Variants in TSHZ2 observed in about 807,000 individuals in gnomAD.
The protein encoded by TSHZ2 is teashirt zinc finger homeobox 2, also known as teashirt homolog 2.
TSHZ2 carries 21 observed loss-of-function variants against 74.4 expected under a neutral mutation model. That is an observed-to-expected ratio of 0.28 (90% CI 0.20 to 0.41). TSHZ2 has a LOEUF of 0.41. TSHZ2 is among the 10% of genes least tolerant of loss of function. The pLI is 1.00. For synonymous variants in TSHZ2, 540 were observed against 515.3 expected, an observed-to-expected ratio of 1.05 and a Z score of -0.65; for missense variants, 1,244 against 1,293.5, an observed-to-expected ratio of 0.96 and a Z score of 0.59.
intron 1 of TSHZ2, among the ~76,000 whole-genome samples, chr20:53,090,808 C>G (rs775301538): frequency 6.6e-6 from 1 of 152,224 alleles, no homozygotes; most frequent in Non-Finnish European, 1.5e-5. Context: ...TGTGTGCACA[C>G]TCCTAAGCTT....
At chr20:53,485,616 G>C (rs1015492145) in intron 2 of TSHZ2, among the ~76,000 whole-genome samples, 6 of 152,058 alleles carry the variant, frequency 3.9e-5, no homozygotes, top group African/African-American at 1.2e-4. Flanking sequence ...GGCTGAAGCA[G>C]GAGAATTACT....
chr20:53,084,774 C>A (rs1212880739), intron 1 of TSHZ2, among the ~76,000 whole-genome samples: 1 of 147,518 alleles, frequency 6.8e-6, no homozygotes, highest in Non-Finnish European at 1.5e-5. Flanking sequence ...TATTTTAAAA[C>A]CAGTAGTCAA....
chr20:53,139,582 C>T (rs949603651), intron 1 of TSHZ2, among the ~76,000 whole-genome samples: 8 of 152,188 alleles, frequency 5.3e-5, no homozygotes. Context: ...GTGTTACTGG[C>T]CAGCATTTTG....
chr20:53,098,426 T>G (rs1986121314), intron 1 of TSHZ2, among the ~76,000 whole-genome samples: 1 of 152,216 alleles, frequency 6.6e-6, no homozygotes, highest in African/African-American at 2.4e-5. Context: ...TTTTGTTCAT[T>G]CTTTATTCAT....
chr20:53,140,914 C>G (rs1489625141), intron 1 of TSHZ2, among the ~76,000 whole-genome samples: 1 of 152,210 alleles, frequency 6.6e-6, no homozygotes, highest in Non-Finnish European at 1.5e-5. Context: ...AAACCCGTAT[C>G]TTGCCTATCA....
chr20:53,403,369 C>T (rs1053989849), intron 2 of TSHZ2, among the ~76,000 whole-genome samples: 31 of 152,208 alleles, frequency 2.0e-4, no homozygotes, highest in African/African-American at 7.2e-4. Context: ...AAAAAATCAA[C>T]TCCTGATGTC....
intron 2 of TSHZ2, among the ~76,000 whole-genome samples, chr20:53,320,521 AG>A (rs1444825239): frequency 6.6e-6 from 1 of 152,200 alleles, no homozygotes; most frequent in East Asian, 1.9e-4. Flanking sequence ...GTCATTAAAA[AG>A]GGAGCACTAT....
intron 1 of TSHZ2, among the ~76,000 whole-genome samples, chr20:53,233,001 T>C (rs1272582507): frequency 6.6e-6 from 1 of 152,244 alleles, no homozygotes; most frequent in Non-Finnish European, 1.5e-5. Flanking sequence ...TTTAGACTTC[T>C]TTTTAAAAAA....
intron 2 of TSHZ2, among the ~76,000 whole-genome samples, chr20:53,273,774 C>T (rs1990886782): frequency 1.3e-5 from 2 of 152,112 alleles, no homozygotes; most frequent in African/African-American, 4.8e-5. Context: ...CTGGATCACT[C>T]AGGACCATGC....
chr20:53,021,492 C>A (rs188952740), intron 1 of TSHZ2, among the ~76,000 whole-genome samples: 52 of 152,324 alleles, frequency 3.4e-4, no homozygotes, highest in Non-Finnish European at 6.2e-4. Flanking sequence ...TTCCTTTCTT[C>A]CCCTCTACTT....
chr20:53,148,725 G>A (rs917814975), intron 1 of TSHZ2, among the ~76,000 whole-genome samples: 1 of 152,154 alleles, frequency 6.6e-6, no homozygotes, highest in South Asian at 2.1e-4. Flanking sequence ...TTCTGAGATT[G>A]CCATCAACAT....
rs1462465822 is a variant in TSHZ2 at position 53,052,380 on chromosome 20, C to T, written c.40+79047C>T. ...ACCAGCAAGTGCGGCATTAGATTCT[C>T]ATAGAAGTACGAACCCTATTGTGAA... On this transcript the variant is annotated intron_variant, in intron 1 of 2. Transcript: ENST00000371497. 3.2e-4 allele frequency among the ~76,000 whole-genome samples: 48 copies of T among 152,168 alleles called. 1 individual carries two copies. Among genetic ancestry groups the T allele is most frequent in the Admixed American group, 3.1e-3 (47 of 15,284 alleles).
At chr20:53,026,627 T>C (rs182010290) in intron 1 of TSHZ2, among the ~76,000 whole-genome samples, 2 of 152,318 alleles carry the variant, frequency 1.3e-5, no homozygotes, top group Admixed American at 1.3e-4. Context: ...AGTAAACCCA[T>C]GCAAATAAGA....
intron 1 of TSHZ2, among the ~76,000 whole-genome samples, chr20:53,036,915 C>T (rs376580685): frequency 5.9e-5 from 9 of 151,356 alleles, no homozygotes; most frequent in Non-Finnish European, 8.8e-5. Flanking sequence ...TGCTTTTTTA[C>T]TTAGTTTCAT....
chr20:53,198,873 G>A (rs1392142794), intron 1 of TSHZ2, among the ~76,000 whole-genome samples: 1 of 152,100 alleles, frequency 6.6e-6, no homozygotes. Context: ...CTAATATTTT[G>A]AGAATATTAA....
intron 1 of TSHZ2, among the ~76,000 whole-genome samples, chr20:53,104,388 A>G (rs1986304455): frequency 1.3e-5 from 2 of 152,234 alleles, no homozygotes; most frequent in Admixed American, 6.5e-5. Context: ...TAAGAGCACT[A>G]GGAGCAATCC....
intron 2 of TSHZ2, among the ~76,000 whole-genome samples, chr20:53,296,243 A>G (rs1192732467): frequency 2.0e-5 from 3 of 152,170 alleles, no homozygotes; most frequent in South Asian, 2.1e-4. Context: ...GGAATTTGCA[A>G]TTTGCTCTGG....
intron 1 of TSHZ2, among the ~76,000 whole-genome samples, chr20:53,224,856 A>G (rs6091647): frequency 0.57 from 76,922 of 136,010 alleles, 19,896 homozygotes; most frequent in African/African-American, 0.69. Context: ...TCTCAAAAAA[A>G]AAAAAAAAAA....
At chr20:53,240,759 A>C (rs139979759) in intron 1 of TSHZ2, among the ~76,000 whole-genome samples, 1 of 151,978 alleles carries the variant, frequency 6.6e-6, no homozygotes, top group Admixed American at 6.6e-5. Context: ...AGATAGATAG[A>C]TAGATAGATA....
Sources: allele counts gnomAD v4.1 joint callset (sites outside exome capture counted in the v4.1 genomes callset), GRCh38; gene constraint gnomAD v4.1.1; transcripts MANE v1.5; gene names NCBI Gene and HGNC (gene_info 2026-07-23, HGNC 2026-07-21).